The following PWWP2A variants were observed in gnomAD, a reference collection of about 807,000 sequenced individuals.
PWWP2A encodes the protein PWWP domain containing 2A.
A neutral mutation model predicts 48.5 loss-of-function variants in PWWP2A; 18 were observed. The observed-to-expected ratio is 0.37, with a 90% CI of 0.26 to 0.55. The LOEUF (loss-of-function observed/expected upper bound fraction) is 0.55, where lower values mean the gene tolerates loss of function less well. PWWP2A is among the 20% of genes least tolerant of loss of function. The pLI is 0.81. For synonymous variants in PWWP2A, 396 were observed against 387.7 expected (o/e 1.02, Z -0.25); for missense variants, 867 against 976.4 (o/e 0.89, Z 1.49).
At chr5:160,097,956 C>T (rs1355945938) in intron 1 of PWWP2A, among the ~76,000 whole-genome samples, 1 of 152,114 alleles carries the variant, frequency 6.6e-6, no homozygotes, top group East Asian at 1.9e-4. Flanking sequence ...TGAAGTGATC[C>T]ACCAGCCTCA....
At chr5:160,066,908 C>T (rs1362170978) in intron 2 of PWWP2A, 4 of 151,872 alleles carry the variant, frequency 2.6e-5, no homozygotes, top group East Asian at 1.9e-4. Flanking sequence ...ATTAGCTAGG[C>T]GTAGCGGCTT....
At chr5:160,106,234 T>C (rs994933480) in intron 1 of PWWP2A, among the ~76,000 whole-genome samples, 1 of 152,242 alleles carries the variant, frequency 6.6e-6, no homozygotes, top group African/African-American at 2.4e-5. Flanking sequence ...GAAAATTTTG[T>C]ATCATTCAAA....
At chr5:160,071,770 C>T (rs1317701526), downstream of PWWP2A, among the ~76,000 whole-genome samples, 1 of 152,190 alleles carries the variant, frequency 6.6e-6, no homozygotes, top group East Asian at 1.9e-4. Flanking sequence ...CCTTATGAGC[C>T]TGCAGCTGAT....
chr5:160,091,324 AACAC>A (rs1755038562), downstream of PWWP2A: 1 of 979,716 alleles, frequency 1.0e-6, no homozygotes, highest in Non-Finnish European at 1.2e-6. Flanking sequence ...CTTTTTGAGA[AACAC>A]ACACAAATAA....
At chr5:160,112,131 AAAAAAAAAAAAAAAGG>A (rs1465542074) in intron 1 of PWWP2A, among the ~76,000 whole-genome samples, 7 of 150,822 alleles carry the variant, frequency 4.6e-5, no homozygotes, top group Non-Finnish European at 1.0e-4. Flanking sequence ...TTTCTCAAAA[AAAAAAAAAAAAAAAGG>A]AAAAAAAGAA....
In PWWP2A at chr5:160,093,078, C is replaced by G. The variant is rs1406132840; in HGVS notation, c.1572G>C (p.Gln524His). The part of the protein sequence containing the change: ...RSAGEAPSEN[Q>H]SPSKGPEEAS... ...CCTCTTCAGGGCCTTTTGAGGGACT[C>G]TGATTTTCTGAAGGGGCCTCACCTG... The change falls in exon 2 of 2, where the codon CAG becomes CAC. Residue 524 changes from glutamine to histidine, a missense_variant. By Grantham distance (24) the Gln-to-His change is conservative. Coordinates refer to ENST00000307063, the MANE Select transcript of PWWP2A (RefSeq NM_001130864.2). This position sits in a 1 kb window ranked among gnomAD's most constrained non-coding sequence, Gnocchi z 5.8. The G allele has an allele frequency of 1.2e-6, 2 of 1,613,424 alleles. No homozygotes were observed. The highest frequency in any genetic ancestry group is 1.7e-6 in the Non-Finnish European group (2 of 1,179,784).
the PWWP2A span, among the ~76,000 whole-genome samples, chr5:160,048,834 C>A: frequency 2.0e-5 from 3 of 152,108 alleles, no homozygotes; most frequent in Non-Finnish European, 4.4e-5. Flanking sequence ...GCCTGTAATC[C>A]CAGCTACGTG....
In PWWP2A at chr5:160,094,200, C is replaced by T. The variant is rs1419021347; in HGVS notation, c.585-135G>A. ...TATTTCATATTAAAAAACAAGACTA[C>T]AAAAATCTACTATCTCTTCCCCCAA... On this transcript the variant is annotated intron_variant, in intron 1 of 1. Transcript: ENST00000307063. The T allele has an allele frequency of 2.0e-5, 22 of 1,108,098 alleles. No homozygotes were observed. In the South Asian group the frequency reaches 2.9e-4, roughly 15 times the overall value. 68.6% of individuals were successfully genotyped at this position (1,108,098 alleles called of 1,614,324 possible).
intron 1 of PWWP2A, among the ~76,000 whole-genome samples, chr5:160,107,744 C>T (rs376652021): frequency 2.6e-5 from 4 of 151,564 alleles, no homozygotes; most frequent in South Asian, 2.1e-4. Context: ...CCAGGCCAGG[C>T]GCGGTGGCTC....
chr5:160,069,631 AG>A (rs1189106805), intron 2 of PWWP2A, among the ~76,000 whole-genome samples: 2 of 152,204 alleles, frequency 1.3e-5, no homozygotes, highest in Non-Finnish European at 1.5e-5. Context: ...TGGGAGGCCA[AG>A]GCGGGAGGAT....
intron 1 of PWWP2A, among the ~76,000 whole-genome samples, chr5:160,118,384 GGACA>G (rs1758346158): frequency 6.6e-6 from 1 of 152,172 alleles, no homozygotes; most frequent in African/African-American, 2.4e-5. Flanking sequence ...AAACGTTAGA[GGACA>G]GACAAGTGCC....
downstream of PWWP2A, among the ~76,000 whole-genome samples, chr5:160,058,625 A>G (rs1484315866): frequency 2.0e-5 from 3 of 151,704 alleles, no homozygotes; most frequent in South Asian, 4.2e-4. Flanking sequence ...GGTAGCCAGG[A>G]TGGTCTTGAT....
chr5:160,054,981 G>A, the PWWP2A span, among the ~76,000 whole-genome samples: 1 of 152,184 alleles, frequency 6.6e-6, no homozygotes, highest in Admixed American at 6.5e-5. Flanking sequence ...GCCCTCAGGA[G>A]TCCCTTGAGA....
downstream of PWWP2A, chr5:160,075,807 A>C (rs1753858415): frequency 3.0e-5 from 1 of 33,040 alleles, no homozygotes; most frequent in African/African-American, 1.6e-4. Context: ...TCTAATAGTA[A>C]AAAAAAAAAA....
intron 1 of PWWP2A, among the ~76,000 whole-genome samples, chr5:160,096,701 A>G (rs1040718722): frequency 6.6e-6 from 1 of 152,086 alleles, no homozygotes; most frequent in Admixed American, 6.5e-5. Flanking sequence ...GCAATCATGG[A>G]TTGCTGCAGC....
the PWWP2A span, chr5:160,051,127 A>C: frequency 1.9e-6 from 3 of 1,597,572 alleles, no homozygotes; most frequent in Non-Finnish European, 2.6e-6. Flanking sequence ...TCTTTTCCTC[A>C]GAGATTACCT....
chr5:160,114,820 C>A (rs75631730), intron 1 of PWWP2A, among the ~76,000 whole-genome samples: 5,934 of 150,366 alleles, frequency 0.039, 142 homozygotes, highest in East Asian at 0.1. Context: ...CATGGTAAGA[C>A]CCCCATCTCT....
At chr5:160,108,589 C>A (rs1303915142) in intron 1 of PWWP2A, 2 of 1,287,540 alleles carry the variant, frequency 1.6e-6, no homozygotes, top group Non-Finnish European at 2.0e-6. Context: ...AAAAGTAGGG[C>A]TATTGCACCA....
chr5:160,099,934 A>T (rs1312229551), intron 1 of PWWP2A, among the ~76,000 whole-genome samples: 1 of 151,802 alleles, frequency 6.6e-6, no homozygotes, highest in East Asian at 2.0e-4. Flanking sequence ...CCAAAGTATT[A>T]GGATTACAGG....
Sources: allele counts gnomAD v4.1 joint callset (sites outside exome capture counted in the v4.1 genomes callset), GRCh38; gene constraint gnomAD v4.1.1; non-coding constraint Gnocchi (gnomAD v3.1); transcripts MANE v1.5; gene names NCBI Gene and HGNC (gene_info 2026-07-23, HGNC 2026-07-21).